Variants in C16orf96 observed in about 807,000 individuals in gnomAD.
C16orf96 encodes uncharacterized protein C16orf96.
In C16orf96, 108 loss-of-function variants were observed where a neutral mutation model predicts 103.6. The observed-to-expected ratio is 1.04, with a 90% confidence interval of 0.89 to 1.22. The LOEUF is 1.22. C16orf96 is among the 50% of genes most tolerant of loss of function. C16orf96 has a pLI of 0.00. For missense variants in C16orf96, 1,586 were observed against 1,464.2 expected, an observed-to-expected ratio of 1.08 and a Z score of -1.36; for synonymous variants, 566 against 593.5, an observed-to-expected ratio of 0.95 and a Z score of 0.67.
At chr16:4,568,629 A>AT (rs34974380) in intron 1 of C16orf96, among the ~76,000 whole-genome samples, 71,323 of 125,552 alleles carry the variant, frequency 0.57, 21,735 homozygotes, top group East Asian at 0.87. Context: ...TTTCTTTTTA[A>AT]TTTTTTTTTT....
chr16:4,580,007 C>A lies in C16orf96; in HGVS notation c.2242-8C>A, dbSNP rs1004128261. ...GAGGCCTGGGGTGTCTGTGTCTCCC[C>A]CTTTTAGGAGGAAGAACTTGAGAGA... On this transcript the variant is annotated splice_region_variant and splice_polypyrimidine_tract_variant and intron_variant, in intron 6 of 15. Transcript: ENST00000444310. The A allele has an allele frequency of 6.5e-7, 1 of 1,550,200 alleles. No individual in the cohort carries two copies.
intron 9 of C16orf96, 120 bp downstream of exon 9, chr16:4,588,451 C>G: frequency 2.6e-6 from 3 of 1,158,214 alleles, no homozygotes; most frequent in Non-Finnish European, 3.6e-6. Context: ...GACCCAGCAA[C>G]TTAGCTGGGT....
chr16:4,576,319 A>G lies in C16orf96; in HGVS notation c.1839A>G (p.Ala613=). 3 of 1,550,766 alleles carry G rather than the reference A, an allele frequency of 1.9e-6. No homozygotes were observed. The highest frequency in any genetic ancestry group is 2.6e-6 in the Non-Finnish European group (3 of 1,146,994). ...KMAAIATDTA[A]AGPLGVFADV... ...CCGCCATTGCAACAGACACGGCTGC[A>G]GCTGGGCCCCTAGGGGTCTTTGCAG... The change falls in exon 5 of 16, where the codon GCA becomes GCG. Residue 613 remains alanine (A), a synonymous_variant. Coordinates refer to ENST00000444310, the MANE Select transcript of C16orf96 (RefSeq NM_001145011.2).
chr16:4,591,628 A>G (rs573057275), intron 9 of C16orf96, 38 bp from the exon 10 acceptor site: 10 of 1,484,554 alleles, frequency 6.7e-6, no homozygotes, highest in South Asian at 2.4e-5. Flanking sequence ...GTGAATTCAT[A>G]GAGTATTCTT....
Position 4,576,428 on chromosome 16 carries a change from C to A in C16orf96, c.1948C>A (p.Pro650Thr). ...TTCCGAAATCTACGAAATCCTCTCT[C>A]CCTCCTACTCTGCTGCCAGCATCGG... is the stretch of plus-strand genomic sequence containing the variant. ...DDSEIYEILSPSYSAASIGPD... is the reference protein window; with the variant it reads ...DDSEIYEILSTSYSAASIGPD... Residue 650 changes from proline (P) to threonine (T), a missense_variant, in exon 5 of 16, where the codon CCC becomes ACC. Pro to Thr is a conservative substitution (Grantham distance 38). Coordinates refer to ENST00000444310, the MANE Select transcript of C16orf96 (RefSeq NM_001145011.2). 1 of 1,551,276 alleles carries A rather than the reference C, an allele frequency of 6.4e-7. No individual in the cohort carries two copies. Among genetic ancestry groups the A allele is most frequent in the South Asian group, 1.2e-5 (1 of 84,064 alleles).
intron 1 of C16orf96, among the ~76,000 whole-genome samples, chr16:4,558,068 A>T (rs2059285465): frequency 6.6e-6 from 1 of 152,208 alleles, no homozygotes; most frequent in African/African-American, 2.4e-5. Context: ...GGGGAGATAG[A>T]CACAAGTGAG....
intron 1 of C16orf96, among the ~76,000 whole-genome samples, chr16:4,559,550 CA>C (rs71139641): frequency 1.3e-4 from 10 of 79,736 alleles, no homozygotes; most frequent in African/African-American, 2.8e-4. Flanking sequence ...GACTCCATCT[CA>C]AAAAAAAAAA....
rs1354357787 is a variant in C16orf96, at chr16:4,579,544, G to A, written c.2242-471G>A. On this transcript the variant is annotated intron_variant, in intron 6 of 15. Transcript: ENST00000444310. Reference sequence around the variant, plus strand: ...ACTCTAGCCTGGGTGACAGAGCAAGGCCCTGTCTCAAAAAAAAAAAAAAAA... The same window carrying A: ...ACTCTAGCCTGGGTGACAGAGCAAGACCCTGTCTCAAAAAAAAAAAAAAAA... 2.9e-4 allele frequency among the ~76,000 whole-genome samples: 27 copies of A among 93,966 alleles called. 1 individual carries two copies. The highest frequency in any genetic ancestry group is 2.0e-3 in the Admixed American group (14 of 7,162). The allele number at this position is 93,966 out of a possible 152,430, so 61.6% of individuals were successfully genotyped here. A position where few individuals can be genotyped will look rare whatever the true frequency, so the allele number is the denominator to read the frequency against.
At chr16:4,547,327 G>A in the C16orf96 span, among the ~76,000 whole-genome samples, 1 of 152,150 alleles carries the variant, frequency 6.6e-6, no homozygotes, top group East Asian at 1.9e-4. Flanking sequence ...GGTAGAGATG[G>A]GGTTTCACCT....
chr16:4,592,269 A>G, intron 10 of C16orf96, 36 bp from the exon 11 acceptor site: 1 of 1,551,086 alleles, frequency 6.4e-7, no homozygotes, highest in South Asian at 1.2e-5. Flanking sequence ...GCCTGGGCCC[A>G]GCAGGGGCAG....
intron 6 of C16orf96, 126 bp downstream of exon 6, chr16:4,579,151 C>A: frequency 1.2e-6 from 1 of 863,156 alleles, no homozygotes; most frequent in Non-Finnish European, 1.8e-6. Flanking sequence ...TGGGGGAAAG[C>A]GAGCTGGCTG....
At chr16:4,569,969 A>G (rs2059419947) in intron 1 of C16orf96, among the ~76,000 whole-genome samples, 1 of 152,142 alleles carries the variant, frequency 6.6e-6, no homozygotes. Flanking sequence ...TGCCCAGTAG[A>G]TAAGACATCA....
chr16:4,575,850 AG>A lies in C16orf96; in HGVS notation c.1375del (p.Glu459ArgfsTer8), dbSNP rs1049972418. ...CTCCAGCTCGCAGCTGTCCAAGTAAAGGGGGAGGAAAATGATGTCCCCAGCC... is the reference window on the plus strand; with the variant it reads ...CTCCAGCTCGCAGCTGTCCAAGTAAAGGGGAGGAAAATGATGTCCCCAGCC... ...EALQLAAVQV[K>X]GEENDVPSLR... On this transcript the variant is annotated frameshift_variant, in exon 5 of 16. Coordinates refer to ENST00000444310, the MANE Select transcript of C16orf96 (RefSeq NM_001145011.2). LOFTEE classifies it high-confidence loss of function. 3.9e-6 allele frequency: 6 copies of A among 1,551,182 alleles called. No individual in the cohort carries two copies. Among genetic ancestry groups the A allele is most frequent in the Non-Finnish European group, 5.2e-6 (6 of 1,146,974 alleles).
intron 14 of C16orf96, among the ~76,000 whole-genome samples, chr16:4,598,916 A>G (rs1385603199): frequency 1.3e-5 from 2 of 152,120 alleles, no homozygotes; most frequent in African/African-American, 4.8e-5. Context: ...CCAGGAGTTC[A>G]AGACTAGCCT....
At chr16:4,581,141 CAT>C (rs58065868) in intron 7 of C16orf96, among the ~76,000 whole-genome samples, 3,715 of 46,544 alleles carry the variant, frequency 0.08, 109 homozygotes, top group East Asian at 0.17. Context: ...TATATGTATA[CAT>C]ATATATATAT....
chr16:4,581,136 G>GTATATA (rs1434659974), intron 7 of C16orf96, among the ~76,000 whole-genome samples: 6 of 40,796 alleles, frequency 1.5e-4, no homozygotes, highest in African/African-American at 4.0e-4. Context: ...AAATATATAT[G>GTATATA]TATACATATA....
At chr16:4,592,861 C>CA (rs1236134108) in intron 11 of C16orf96, among the ~76,000 whole-genome samples, 6 of 150,910 alleles carry the variant, frequency 4.0e-5, no homozygotes, top group South Asian at 2.1e-4. Flanking sequence ...GACCTCATAT[C>CA]AAAAAAAAAG....
chr16:4,568,128 C>G (rs1194276936), intron 1 of C16orf96, among the ~76,000 whole-genome samples: 2 of 152,042 alleles, frequency 1.3e-5, no homozygotes, highest in Admixed American at 1.3e-4. Flanking sequence ...TGGTCTGGAA[C>G]TCCTGAGCTC....
chr16:4,552,066 T>C (rs2059231219), upstream of C16orf96, among the ~76,000 whole-genome samples: 2 of 152,218 alleles, frequency 1.3e-5, no homozygotes, highest in Non-Finnish European at 2.9e-5. Flanking sequence ...TACAGCTTCA[T>C]CCACGTCCTT....
Sources: allele counts gnomAD v4.1 joint callset (sites outside exome capture counted in the v4.1 genomes callset), GRCh38; gene constraint gnomAD v4.1.1; transcripts MANE v1.5; gene names NCBI Gene and HGNC (gene_info 2026-07-23, HGNC 2026-07-21).